Variants in APP observed in about 807,000 individuals in gnomAD.
APP encodes the protein amyloid beta precursor protein, also known as amyloid-beta precursor protein.
In APP, 31 loss-of-function variants were observed where a neutral mutation model predicts 101.4. The observed-to-expected ratio is 0.31, with a 90% confidence interval of 0.23 to 0.41. The LOEUF is 0.41. APP is among the 10% of genes least tolerant of loss of function. The probability of loss-of-function intolerance (pLI) is 1.00; values close to 1 mark genes in which losing one functional copy is unlikely to be tolerated. For synonymous variants in APP, 366 were observed against 364.4 expected (o/e 1.00, Z -0.05); for missense variants, 839 against 1,003.7 (o/e 0.84, Z 2.22).
At chr21:26,114,682 A>C (rs958664828) in intron 1 of APP, among the ~76,000 whole-genome samples, 80 of 152,198 alleles carry the variant, frequency 5.3e-4, no homozygotes, top group Admixed American at 5.2e-3. Context: ...TGACAAACCA[A>C]GTAAATGCTT....
intron 2 of APP, among the ~76,000 whole-genome samples, chr21:26,102,082 GTTTTTTTTTTT>G (rs35680514): frequency 2.0e-5 from 2 of 101,144 alleles, no homozygotes; most frequent in Non-Finnish European, 3.8e-5. Context: ...AAACTATGTG[GTTTTTTTTTTT>G]TTTTTTTTTT....
chr21:25,950,965 G>GTTA (rs2041050099), intron 13 of APP, among the ~76,000 whole-genome samples: 1 of 152,164 alleles, frequency 6.6e-6, no homozygotes, highest in Non-Finnish European at 1.5e-5. Context: ...GGACATGAGT[G>GTTA]TTATACACAT....
intron 6 of APP, among the ~76,000 whole-genome samples, chr21:26,005,198 G>A (rs1353255941): frequency 2.0e-5 from 3 of 152,128 alleles, no homozygotes; most frequent in Non-Finnish European, 4.4e-5. Context: ...CAGATCACCT[G>A]AGGTCAGGAG....
At chr21:25,963,949 A>C (rs2041688161) in intron 11 of APP, among the ~76,000 whole-genome samples, 1 of 152,188 alleles carries the variant, frequency 6.6e-6, no homozygotes, top group African/African-American at 2.4e-5. Context: ...GTGGACACAG[A>C]AGTCTTGAAT....
chr21:25,984,460 T>C (rs1468541557), intron 8 of APP, among the ~76,000 whole-genome samples: 1 of 152,194 alleles, frequency 6.6e-6, no homozygotes, highest in Non-Finnish European at 1.5e-5. Flanking sequence ...ATTGTTAATT[T>C]GTAAGATTGA....
intron 13 of APP, among the ~76,000 whole-genome samples, chr21:25,947,420 G>T (rs895485941): frequency 6.6e-6 from 1 of 152,220 alleles, no homozygotes; most frequent in East Asian, 1.9e-4. Context: ...GTATCTTGCT[G>T]TGTGGAGACA....
At chr21:25,987,484 C>A (rs918117607) in intron 8 of APP, among the ~76,000 whole-genome samples, 6 of 152,230 alleles carry the variant, frequency 3.9e-5, no homozygotes, top group African/African-American at 1.4e-4. Context: ...AGTCTCCTAA[C>A]AGAGCCTTGA....
At chr21:25,954,016 T>C (rs181122127) in intron 13 of APP, among the ~76,000 whole-genome samples, 66 of 152,332 alleles carry the variant, frequency 4.3e-4, no homozygotes, top group African/African-American at 1.6e-3. Flanking sequence ...GTTTAAACAA[T>C]GATGTGGTTC....
At chr21:25,964,303 T>C (rs2041701952) in intron 11 of APP, among the ~76,000 whole-genome samples, 2 of 152,214 alleles carry the variant, frequency 1.3e-5, no homozygotes, top group Non-Finnish European at 2.9e-5. Flanking sequence ...TCTAACAATC[T>C]TTCTCCTCTT....
chr21:26,046,377 T>C (rs1297332559), intron 5 of APP, among the ~76,000 whole-genome samples: 2 of 146,736 alleles, frequency 1.4e-5, no homozygotes, highest in African/African-American at 2.5e-5. Flanking sequence ...ACCACTGTAC[T>C]CCAGCCTGGG....
intron 5 of APP, among the ~76,000 whole-genome samples, chr21:26,034,519 A>G (rs551881163): frequency 9.2e-5 from 14 of 151,568 alleles, no homozygotes; most frequent in African/African-American, 3.4e-4. Context: ...GCGGGCGCCT[A>G]TAGTCCCAGT....
At chr21:25,964,212 A>G (rs2041699403) in intron 11 of APP, among the ~76,000 whole-genome samples, 2 of 152,188 alleles carry the variant, frequency 1.3e-5, no homozygotes, top group African/African-American at 4.8e-5. Context: ...TCTAGGAGTC[A>G]TCTATCATCT....
chr21:25,976,823 T>A lies in APP; in HGVS notation c.1225-795A>T, dbSNP rs1451887869. On this transcript the variant is annotated intron_variant, in intron 9 of 17. Transcript: ENST00000346798. ...AGGGGTAAGTCCTGTAAGAGGTGAT[T>A]CAGTCTCTGTCCTCATGAGTAAATT... 2.6e-5 allele frequency among the ~76,000 whole-genome samples: 4 copies of A among 152,176 alleles called. No homozygotes were observed. The East Asian group carries it at 7.7e-4, about 29-fold the overall frequency.
At chr21:26,067,601 T>G (rs1176014451) in intron 3 of APP, among the ~76,000 whole-genome samples, 1 of 152,218 alleles carries the variant, frequency 6.6e-6, no homozygotes, top group African/African-American at 2.4e-5. Flanking sequence ...GGGAGGCATA[T>G]CACTAGGATT....
chr21:26,119,295 C>T (rs1013765999), intron 1 of APP, among the ~76,000 whole-genome samples: 2 of 152,106 alleles, frequency 1.3e-5, no homozygotes, highest in East Asian at 1.9e-4. Flanking sequence ...TTGTTACTGG[C>T]TTTTAAAAAA....
intron 6 of APP, among the ~76,000 whole-genome samples, chr21:26,004,250 T>C (rs1030844730): frequency 6.6e-6 from 1 of 151,306 alleles, no homozygotes; most frequent in Admixed American, 6.6e-5. Flanking sequence ...GAGTGAAGAC[T>C]ATGCAGGGTC....
chr21:26,107,642 A>C (rs1385553657), intron 2 of APP, among the ~76,000 whole-genome samples: 1 of 152,174 alleles, frequency 6.6e-6, no homozygotes, highest in African/African-American at 2.4e-5. Context: ...CAATTCCCCA[A>C]GGTGCTTTCC....
At chr21:25,901,570 C>A (rs1700999) in intron 15 of APP, among the ~76,000 whole-genome samples, 150,075 of 152,222 alleles carry the variant, frequency 0.99, 73,964 homozygotes, top group East Asian at 1. Context: ...TACTAAAAGA[C>A]AAAATCAGTA....
intron 2 of APP, among the ~76,000 whole-genome samples, chr21:26,090,354 T>G (rs2061796935): frequency 6.6e-6 from 1 of 152,232 alleles, no homozygotes; most frequent in Non-Finnish European, 1.5e-5. Flanking sequence ...TTTGGGTTTT[T>G]GAGCATTTCG....
Sources: allele counts gnomAD v4.1 joint callset (sites outside exome capture counted in the v4.1 genomes callset), GRCh38; gene constraint gnomAD v4.1.1; transcripts MANE v1.5; gene names NCBI Gene and HGNC (gene_info 2026-07-23, HGNC 2026-07-21).